KIF1A: variants seen among roughly 807,000 people sequenced by gnomAD.
KIF1A encodes the protein kinesin family member 1A, also known as kinesin-like protein KIF1A.
In KIF1A, 46 loss-of-function variants were observed where a neutral mutation model predicts 227.3. The ratio of observed to expected loss-of-function variants is 0.20; its 90% confidence interval spans 0.16 to 0.26. The LOEUF (loss-of-function observed/expected upper bound fraction) is 0.26. KIF1A is among the 10% of genes least tolerant of loss of function. The probability of loss-of-function intolerance (pLI) is 1.00; values close to 1 mark genes in which losing one functional copy is unlikely to be tolerated. For synonymous variants in KIF1A, 1,022 were observed against 1,012.8 expected (o/e 1.01, Z -0.17); for missense variants, 1,683 against 2,485.9 (o/e 0.68, Z 6.87).
rs1050946249 is a variant in KIF1A, at chr2:240,793,464, G to A, written c.107-4152C>T. Among the ~76,000 whole-genome samples the A allele has an allele frequency of 1.5e-4, 23 of 152,310 alleles. No homozygotes were observed. Among genetic ancestry groups the A allele is most frequent in the African/African-American group, 5.1e-4 (21 of 41,558 alleles). ...AGGGGCCGCACATGGCTGAGGGTCC[G>A]CGTCCCCAGCCAGCCTCCAGCATCT... On this transcript the variant is annotated intron_variant, in intron 2 of 48. Coordinates refer to ENST00000498729, the MANE Select transcript of KIF1A (RefSeq NM_001244008.2). The surrounding 1 kb of genome is among the most constrained non-coding windows in gnomAD (Gnocchi z 4.8).
chr2:240,811,951 G>T (rs1359491305), intron 1 of KIF1A, among the ~76,000 whole-genome samples: 1 of 151,984 alleles, frequency 6.6e-6, no homozygotes, highest in Non-Finnish European at 1.5e-5. Context: ...GGGGATGGTG[G>T]CCATCCATGT....
rs774842768 is a variant in KIF1A at position 240,787,261 on chromosome 2, T to C, written c.419A>G (p.Tyr140Cys). Residue 140 changes from tyrosine to cysteine, a missense_variant, in exon 5 of 49, where the codon TAC becomes TGC. Around this residue, in one of 12 missense-constraint regions of KIF1A, gnomAD observed 75 missense variants for 131.2 expected, o/e 0.57. Transcript: ENST00000498729. ...INDTTNDNMS[Y>C]SVEVSYMEIY... ...GGCGGGGAGCCCTACCTCCACGGAG[T>C]AGGACATGTTGTCGTTGGTCGTGTC... The C allele has an allele frequency of 6.2e-7, 1 of 1,612,920 alleles. No homozygotes were observed. The highest frequency in any genetic ancestry group is 1.7e-4 in the Middle Eastern group (1 of 6,058).
In KIF1A at chr2:240,818,616, G is replaced by A. The variant is rs1289625334; in HGVS notation, c.-61+1506C>T. 5.2e-5 allele frequency: 8 copies of A among 152,900 alleles called. No homozygotes were observed. The East Asian group carries it at 5.8e-4, about 11-fold the overall frequency. 9.5% of individuals were successfully genotyped at this position (152,900 alleles called of 1,614,324 possible). On this transcript the variant is annotated intron_variant, in intron 1 of 48. Transcript: ENST00000498729. ...GGCCAACCACACCTGCAAAATGGCC[G>A]CCGCAGGTGCAGCCCCAACCCCCAC...
At position 240,743,877 on chromosome 2, in the gene KIF1A, A is replaced by T. The variant is rs913911306; in HGVS notation, c.3584+65T>A. Reference sequence around the variant, plus strand: ...GGCTCTGCAGCCTCAAGACAGCTGGATGAAAAGATCTGGGCAGGGGCTTTG... The same window carrying T: ...GGCTCTGCAGCCTCAAGACAGCTGGTTGAAAAGATCTGGGCAGGGGCTTTG... On this transcript the variant is annotated intron_variant, in intron 33 of 48. Transcript: ENST00000498729. 26 of 1,094,532 alleles carry T rather than the reference A, an allele frequency of 2.4e-5. No individual in the cohort carries two copies. The African/African-American group carries it at 3.7e-4, about 16-fold the overall frequency. The allele number at this position is 1,094,532 out of a possible 1,614,324, so 67.8% of individuals were successfully genotyped here.
chr2:240,819,810 C>G (rs77519339), intron 1 of KIF1A, among the ~76,000 whole-genome samples: 19,139 of 152,064 alleles, frequency 0.13, 1,316 homozygotes, highest in African/African-American at 0.18. Flanking sequence ...CGAGCCCTCC[C>G]GAGGGCGACC....
chr2:240,758,707 G>A lies in KIF1A; in HGVS notation c.2445-210C>T, dbSNP rs1305160208. ...ACAAGTAACGTACTCAGCTAAGCAC[G>A]CAAGGTCACCAACAGCTCCTCCCAA... On this transcript the variant is annotated intron_variant, in intron 25 of 48. Coordinates refer to ENST00000498729, the MANE Select transcript of KIF1A (RefSeq NM_001244008.2). This position sits in a 1 kb window ranked among gnomAD's most constrained non-coding sequence, Gnocchi z 5.2. 2.0e-5 allele frequency among the ~76,000 whole-genome samples: 3 copies of A among 152,130 alleles called. No homozygotes were observed. The highest frequency in any genetic ancestry group is 3.8e-4 in the East Asian group (2 of 5,196).
intron 38 of KIF1A, among the ~76,000 whole-genome samples, chr2:240,731,071 T>C (rs886597198): frequency 1.3e-5 from 2 of 152,182 alleles, no homozygotes; most frequent in Non-Finnish European, 2.9e-5. Context: ...TGTTGCCCTT[T>C]AAAGCTCGAA....
intron 12 of KIF1A, 37 bp downstream of exon 12, chr2:240,774,146 G>C: frequency 7.3e-7 from 1 of 1,362,704 alleles, no homozygotes; most frequent in Non-Finnish European, 1.0e-6. Context: ...CAAGACCAGG[G>C]AGCGGGAAGC....
intron 4 of KIF1A, 111 bp downstream of exon 4, chr2:240,787,940 A>G: frequency 9.5e-7 from 1 of 1,053,110 alleles, no homozygotes; most frequent in Non-Finnish European, 1.4e-6. Context: ...TCCCCTCCTG[A>G]CTCCCTGCTC....
At chr2:240,780,418 T>TCCCGCCTGCTTC (rs1229634935) in intron 10 of KIF1A, among the ~76,000 whole-genome samples, 3 of 151,884 alleles carry the variant, frequency 2.0e-5, no homozygotes, top group African/African-American at 7.2e-5. Context: ...CCCACACACT[T>TCCCGCCTGCTTC]CCCGCCTGCT....
chr2:240,757,651 A>G lies in KIF1A; in HGVS notation c.2583-57T>C, dbSNP rs1461419832. 10 of 1,526,632 alleles carry G rather than the reference A, an allele frequency of 6.6e-6. No individual in the cohort carries two copies. The highest frequency in any genetic ancestry group is 8.0e-6 in the Non-Finnish European group (9 of 1,132,074). The allele number at this position is 1,526,632 out of a possible 1,614,324, so 94.6% of individuals were successfully genotyped here. A position where few individuals can be genotyped will look rare whatever the true frequency, so the allele number is the denominator to read the frequency against. On this transcript the variant is annotated intron_variant, in intron 26 of 48. Transcript: ENST00000498729. This position sits in a 1 kb window ranked among gnomAD's most constrained non-coding sequence, Gnocchi z 6.2. Reference sequence around the variant, plus strand: ...TAACACCAGCGACTCGCAGGGACGAACAGGGGCCGGGGCCGGGGCTGGGGG... The same window carrying G: ...TAACACCAGCGACTCGCAGGGACGAGCAGGGGCCGGGGCCGGGGCTGGGGG...
At chr2:240,798,145 G>A (rs962500991) in intron 1 of KIF1A, 24 of 187,518 alleles carry the variant, frequency 1.3e-4, no homozygotes, top group Non-Finnish European at 2.1e-4. Flanking sequence ...GGATGCAGGC[G>A]CTGGTGGGCT....
chr2:240,720,803 C>G (rs1354492713), intron 45 of KIF1A, 111 bp downstream of exon 45: 2 of 1,312,676 alleles, frequency 1.5e-6, no homozygotes, highest in Non-Finnish European at 2.0e-6. Context: ...CACCCCAAGG[C>G]ACTCGGCCAT....
chr2:240,783,673 C>T (rs887334621), intron 8 of KIF1A, 66 bp downstream of exon 8: 10 of 1,328,536 alleles, frequency 7.5e-6, no homozygotes, highest in African/African-American at 4.4e-5. Context: ...ACAGAGCCCT[C>T]CTGCCACCCA....
chr2:240,731,902 AGG>A (rs2046661094), intron 38 of KIF1A, among the ~76,000 whole-genome samples: 1 of 22,800 alleles, frequency 4.4e-5, no homozygotes, highest in African/African-American at 1.7e-4. Flanking sequence ...GGAGGGGAGG[AGG>A]GGAGGAGGGG....
Position 240,740,270 on chromosome 2 carries a change from G to T in KIF1A, c.3816+28C>A. 1 of 1,603,092 alleles carries T rather than the reference G, an allele frequency of 6.2e-7. No homozygotes were observed. The highest frequency in any genetic ancestry group is 8.5e-7 in the Non-Finnish European group (1 of 1,171,746). Reference sequence around the variant, plus strand: ...TGGTGGGGTGGGGGAGGGGACACAGGCAGGGTAGGGGCAAGAGGGGCTCAC... The same window carrying T: ...TGGTGGGGTGGGGGAGGGGACACAGTCAGGGTAGGGGCAAGAGGGGCTCAC... On this transcript the variant is annotated intron_variant, in intron 36 of 48. Coordinates refer to ENST00000498729, the MANE Select transcript of KIF1A (RefSeq NM_001244008.2). The surrounding 1 kb of genome is among the most constrained non-coding windows in gnomAD (Gnocchi z 6.1).
rs3755533 is a variant in KIF1A, at chr2:240,734,805, T to G, written c.4007+2258A>C. 8.9e-5 allele frequency: 112 copies of G among 1,254,116 alleles called. No homozygotes were observed. In the Middle Eastern group the frequency reaches 1.5e-3, roughly 17 times the overall value. The allele number at this position is 1,254,116 out of a possible 1,614,324, so 77.7% of individuals were successfully genotyped here. A position where few individuals can be genotyped will look rare whatever the true frequency, so the allele number is the denominator to read the frequency against. ...GCCGGGCAGCGCAGCGGGAGCGGGG[T>G]GGGGGACAGGCAGAGGGAAGCGGCC... On this transcript the variant is annotated intron_variant, in intron 38 of 48. Transcript: ENST00000498729.
At position 240,775,350 on chromosome 2, in the gene KIF1A, C is replaced by T. The variant is rs1394631610; in HGVS notation, c.958+501G>A. 4.6e-5 allele frequency among the ~76,000 whole-genome samples: 7 copies of T among 152,228 alleles called. No individual in the cohort carries two copies. The highest frequency in any genetic ancestry group is 8.8e-5 in the Non-Finnish European group (6 of 68,034). The stretch of plus-strand genomic sequence containing the variant: ...CAGCTGTAAATGCAGTTGGGGAGGA[C>T]TCTGAGGTTATTCCGGGATGGACGG... On this transcript the variant is annotated intron_variant, in intron 11 of 48. Coordinates refer to ENST00000498729, the MANE Select transcript of KIF1A (RefSeq NM_001244008.2). This position sits in a 1 kb window ranked among gnomAD's most constrained non-coding sequence, Gnocchi z 5.5.
chr2:240,768,364 T>C (rs931622663), intron 17 of KIF1A, among the ~76,000 whole-genome samples: 9 of 152,164 alleles, frequency 5.9e-5, no homozygotes, highest in Non-Finnish European at 1.2e-4. Context: ...TCCCTACAGC[T>C]CTTCTCAGGC....
Sources: gnomAD v4.1 joint callset for allele counts (sites outside exome capture counted in the v4.1 genomes callset) on GRCh38, gnomAD v4.1.1 for gene constraint, gnomAD v4.1.1 regional missense constraint, Gnocchi (gnomAD v3.1) non-coding constraint, MANE v1.5 for transcripts, NCBI Gene and HGNC (gene_info 2026-07-23, HGNC 2026-07-21) for gene names.